ASXL3: variants seen among roughly 807,000 people sequenced by gnomAD.
ASXL3 encodes the protein ASXL transcriptional regulator 3, also known as putative Polycomb group protein ASXL3.
ASXL3 carries 34 observed loss-of-function variants against 170.6 expected under a neutral mutation model. The ratio of observed to expected loss-of-function variants is 0.20; its 90% CI spans 0.15 to 0.27. ASXL3 has a LOEUF of 0.27. ASXL3 is among the 10% of genes least tolerant of loss of function. The pLI, the probability that ASXL3 is intolerant of heterozygous loss-of-function variation, is 1.00. For missense variants in ASXL3, 2,592 were observed against 2,695.3 expected, an observed-to-expected ratio of 0.96 and a Z score of 0.85; for synonymous variants, 1,002 against 989.1, an observed-to-expected ratio of 1.01 and a Z score of -0.24.
chr18:33,671,965 A>G, intron 7 of ASXL3, 99 bp downstream of exon 7: 1 of 1,247,096 alleles, frequency 8.0e-7, no homozygotes, highest in Non-Finnish European at 1.1e-6. Flanking sequence ...ATGATTAAAC[A>G]AGGAAATTAA....
At chr18:33,722,224 G>T (rs553034014) in intron 8 of ASXL3, among the ~76,000 whole-genome samples, 3 of 152,008 alleles carry the variant, frequency 2.0e-5, no homozygotes, top group Admixed American at 1.3e-4. Flanking sequence ...AGAAAAAGTT[G>T]CATAAGTCTC....
At chr18:33,721,100 A>T (rs2067250205) in intron 8 of ASXL3, among the ~76,000 whole-genome samples, 1 of 152,028 alleles carries the variant, frequency 6.6e-6, no homozygotes, top group African/African-American at 2.4e-5. Context: ...TTATAATGAA[A>T]CCTGTTTCTC....
intron 2 of ASXL3, among the ~76,000 whole-genome samples, chr18:33,610,508 G>A (rs542547944): frequency 1.2e-3 from 175 of 152,000 alleles, no homozygotes; most frequent in Middle Eastern, 3.4e-3. Flanking sequence ...TCAAAGCAAG[G>A]CCATTTGTTT....
intron 4 of ASXL3, among the ~76,000 whole-genome samples, chr18:33,656,579 A>T (rs559072250): frequency 6.6e-6 from 1 of 152,208 alleles, no homozygotes; most frequent in South Asian, 2.1e-4. Flanking sequence ...GTGATTTCTA[A>T]TTTTGACTTT....
chr18:33,676,189 A>G (rs1177770811), intron 7 of ASXL3, among the ~76,000 whole-genome samples: 1 of 136,052 alleles, frequency 7.4e-6, no homozygotes, highest in African/African-American at 2.8e-5. Context: ...GCACCACTGC[A>G]CTCCAGCCTG....
Position 33,745,525 on chromosome 18 carries a change from G to A in ASXL3, c.5677G>A (p.Glu1893Lys). 6.2e-7 allele frequency: 1 copy of A among 1,613,988 alleles called. No individual in the cohort carries two copies. The highest frequency in any genetic ancestry group is 2.2e-5 in the East Asian group (1 of 44,864). ...SMQNRIVHSP[E>K]VKQQKRLLPS... is the part of the protein sequence containing the mutation. ...GCAGAACAGAATTGTTCACAGCCCT[G>A]AGGTCAAACAGCAAAAGCGGCTGCT... The change falls in exon 12 of 12, where the codon GAG becomes AAG. Residue 1893 changes from glutamate to lysine, a missense_variant. By Grantham distance (56) the Glu-to-Lys change is moderately conservative. This residue lies in a region of ASXL3 where 2,246 missense variants were observed against 2,219.6 expected (regional missense o/e 1.01). Coordinates refer to ENST00000269197, the MANE Select transcript of ASXL3 (RefSeq NM_030632.3).
At chr18:33,651,626 T>TA (rs150836912) in intron 4 of ASXL3, among the ~76,000 whole-genome samples, 1 of 152,302 alleles carries the variant, frequency 6.6e-6, no homozygotes, top group Non-Finnish European at 1.5e-5. Context: ...AAGCCGCTGC[T>TA]ACCATAGTGT....
intron 2 of ASXL3, among the ~76,000 whole-genome samples, chr18:33,636,923 C>T (rs2065775566): frequency 1.3e-5 from 2 of 152,088 alleles, no homozygotes; most frequent in South Asian, 4.1e-4. Flanking sequence ...CAAAAAGTTT[C>T]AAATTCTGGA....
At position 33,746,322 on chromosome 18, in the gene ASXL3, C is replaced by G. The variant is rs1410841592; in HGVS notation, c.6474C>G (p.His2158Gln). The G allele has an allele frequency of 1.9e-6, 3 of 1,613,878 alleles. No individual in the cohort carries two copies. The Admixed American group carries it at 5.0e-5, about 27-fold the overall frequency. ...QQLCGNYPTIHFGSTSFKRAA... is the reference protein window; with the variant it reads ...QQLCGNYPTIQFGSTSFKRAA... ...TCTGTGGAAATTATCCAACAATACA[C>G]TTTGGTAGCACGAGTTTCAAAAGGG... Residue 2158 changes from histidine to glutamine, a missense_variant, in exon 12 of 12, where the codon CAC (histidine) becomes CAG (glutamine). Physicochemically the swap from His to Gln is conservative, Grantham distance 24 (BLOSUM62 0). Coordinates refer to ENST00000269197, the MANE Select transcript of ASXL3 (RefSeq NM_030632.3).
chr18:33,593,258 C>CTTTTTTTT (rs34699815), intron 1 of ASXL3, among the ~76,000 whole-genome samples: 7 of 87,932 alleles, frequency 8.0e-5, no homozygotes, highest in Admixed American at 1.3e-4. Context: ...CTATGCCCAC[C>CTTTTTTTT]TTTTTTTTTT....
At chr18:33,654,393 T>A (rs994514341) in intron 4 of ASXL3, among the ~76,000 whole-genome samples, 1 of 152,128 alleles carries the variant, frequency 6.6e-6, no homozygotes, top group Non-Finnish European at 1.5e-5. Flanking sequence ...TTTTCATTGA[T>A]GCCAGATAAT....
chr18:33,710,994 A>C (rs2067051433), intron 8 of ASXL3, among the ~76,000 whole-genome samples: 1 of 152,092 alleles, frequency 6.6e-6, no homozygotes, highest in Admixed American at 6.6e-5. Context: ...CTTTTCTCTA[A>C]GGTTGATTTT....
chr18:33,739,649 C>T lies in ASXL3; in HGVS notation c.2245C>T (p.Pro749Ser). 1 of 1,613,900 alleles carries T rather than the reference C, an allele frequency of 6.2e-7. No individual in the cohort carries two copies. Among genetic ancestry groups the T allele is most frequent in the South Asian group, 1.1e-5 (1 of 91,084 alleles). Reference protein sequence around the residue: ...ETTFVSSLPLPSETSPISNSS... With the variant: ...ETTFVSSLPLSSETSPISNSS... The stretch of plus-strand genomic sequence containing the variant: ...CACTTTTGTATCCAGTTTGCCACTT[C>T]CTTCAGAAACATCTCCAATTTCCAA... The change falls in exon 11 of 12, where the codon CCT (proline) becomes TCT (serine). Residue 749 changes from proline (P) to serine (S), a missense_variant. Physicochemically the swap from Pro to Ser is moderately conservative, Grantham distance 74 (BLOSUM62 -1). This residue lies in a region of ASXL3 where 2,246 missense variants were observed against 2,219.6 expected (regional missense o/e 1.01). Transcript: ENST00000269197.
chr18:33,634,810 C>T lies in ASXL3; in HGVS notation c.138-10084C>T, dbSNP rs147694919. Among the ~76,000 whole-genome samples the T allele has an allele frequency of 4.6e-3, 694 of 152,208 alleles. 4 individuals are homozygous for T. The highest frequency in any genetic ancestry group is 0.016 in the African/African-American group (653 of 41,530). ...TATCAACAAGCCCCTGAATGTGTTC[C>T]GAGCACTCAAACCTGGCAAGGCGCT... On this transcript the variant is annotated intron_variant, in intron 2 of 11. Transcript: ENST00000269197.
chr18:33,582,733 TGTG>T (rs767730064), intron 1 of ASXL3, among the ~76,000 whole-genome samples: 40 of 150,768 alleles, frequency 2.7e-4, no homozygotes, highest in South Asian at 1.7e-3. Context: ...TGTGTGTGTG[TGTG>T]TGTGTTTTCT....
At chr18:33,709,886 C>T (rs1362280220) in intron 8 of ASXL3, among the ~76,000 whole-genome samples, 1 of 152,180 alleles carries the variant, frequency 6.6e-6, no homozygotes, top group African/African-American at 2.4e-5. Flanking sequence ...CCACTCTGAC[C>T]ACTGCTTCCT....
At chr18:33,732,890 CA>C (rs1466963279) in intron 9 of ASXL3, among the ~76,000 whole-genome samples, 5 of 150,858 alleles carry the variant, frequency 3.3e-5, no homozygotes, top group African/African-American at 1.2e-4. Context: ...TTACTGATGG[CA>C]AATTCCAATT....
chr18:33,606,443 T>C (rs545365951), intron 1 of ASXL3, among the ~76,000 whole-genome samples: 1 of 152,094 alleles, frequency 6.6e-6, no homozygotes, highest in African/African-American at 2.4e-5. Flanking sequence ...GGGCAGGCTG[T>C]GTGCAACACA....
intron 8 of ASXL3, among the ~76,000 whole-genome samples, chr18:33,711,183 T>A (rs1410572890): frequency 6.6e-6 from 1 of 152,146 alleles, no homozygotes; most frequent in Admixed American, 6.5e-5. Flanking sequence ...TAAACAGATG[T>A]TTGTATTTGT....
Sources: allele counts gnomAD v4.1 joint callset (sites outside exome capture counted in the v4.1 genomes callset), GRCh38; gene constraint gnomAD v4.1.1; regional missense constraint gnomAD v4.1.1; transcripts MANE v1.5; gene names NCBI Gene and HGNC (gene_info 2026-07-23, HGNC 2026-07-21).